The following PTPRD variants were observed in gnomAD, a reference collection of about 807,000 sequenced individuals.
PTPRD encodes the protein receptor-type tyrosine-protein phosphatase delta.
Under a neutral mutation model 214.5 loss-of-function variants are expected in PTPRD, and 34 were observed. The ratio of observed to expected loss-of-function variants is 0.16; its 90% CI spans 0.12 to 0.21. PTPRD has a LOEUF of 0.21. PTPRD is among the 10% of genes least tolerant of loss of function. The pLI is 1.00. For missense variants in PTPRD, 2,545 were observed against 2,398.7 expected (o/e 1.06, Z -1.27); for synonymous variants, 1,128 against 845.7 (o/e 1.33, Z -5.79).
chr9:8,839,356 C>T (rs916122077), intron 11 of PTPRD, among the ~76,000 whole-genome samples: 4 of 151,640 alleles, frequency 2.6e-5, no homozygotes, highest in African/African-American at 9.7e-5. Context: ...GATGGAGTCT[C>T]GCTCTGTCAC....
At chr9:8,403,885 T>C (rs887228155) in intron 36 of PTPRD, among the ~76,000 whole-genome samples, 1 of 152,202 alleles carries the variant, frequency 6.6e-6, no homozygotes, top group Non-Finnish European at 1.5e-5. Flanking sequence ...ATTTAGTTTA[T>C]GGGCCTCTTC....
intron 2 of PTPRD, among the ~76,000 whole-genome samples, chr9:10,406,498 G>A (rs895564035): frequency 1.3e-5 from 2 of 151,450 alleles, no homozygotes; most frequent in Non-Finnish European, 3.0e-5. Flanking sequence ...TCTGACTTTG[G>A]AAATTAGAAA....
At chr9:9,595,642 C>T (rs753397782) in intron 7 of PTPRD, among the ~76,000 whole-genome samples, 23 of 151,628 alleles carry the variant, frequency 1.5e-4, no homozygotes, top group South Asian at 2.1e-4. Context: ...TGGCCTTTGC[C>T]GCAACCTCAA....
At chr9:9,393,920 C>T (rs2141023972) in intron 9 of PTPRD, among the ~76,000 whole-genome samples, 1 of 152,198 alleles carries the variant, frequency 6.6e-6, no homozygotes, top group South Asian at 2.1e-4. Context: ...GCACCCATGC[C>T]AACACGAACT....
chr9:8,836,256 T>G (rs2097419486), intron 11 of PTPRD, among the ~76,000 whole-genome samples: 1 of 152,130 alleles, frequency 6.6e-6, no homozygotes, highest in Non-Finnish European at 1.5e-5. Flanking sequence ...ATGTAAAATT[T>G]GAGTGTTTTG....
In PTPRD at chr9:9,784,141, T is replaced by C. The variant is rs571038259; in HGVS notation, c.-367-17290A>G. On this transcript the variant is annotated intron_variant, in intron 5 of 45. Transcript: ENST00000381196. ...TAAGCAAAGCCATATTTGCTGTTAA[T>C]GTTTATAAAAGTATTTTTTAAATTA... 7.2e-5 allele frequency among the ~76,000 whole-genome samples: 11 copies of C among 152,254 alleles called. No homozygotes were observed. The East Asian group carries it at 2.1e-3, about 29-fold the overall frequency.
At chr9:8,568,829 G>T (rs2090221872) in intron 14 of PTPRD, among the ~76,000 whole-genome samples, 1 of 151,754 alleles carries the variant, frequency 6.6e-6, no homozygotes, top group Non-Finnish European at 1.5e-5. Flanking sequence ...GTCTATAAGT[G>T]TTGGTCTTCT....
chr9:9,019,725 G>A (rs1714103472), intron 10 of PTPRD, among the ~76,000 whole-genome samples: 1 of 151,942 alleles, frequency 6.6e-6, no homozygotes, highest in South Asian at 2.1e-4. Context: ...ACAACAACAT[G>A]GAAGTTTATT....
At chr9:9,963,878 T>C (rs991379158) in intron 4 of PTPRD, among the ~76,000 whole-genome samples, 5 of 152,140 alleles carry the variant, frequency 3.3e-5, no homozygotes, top group Admixed American at 6.5e-5. Context: ...TTCACAAACG[T>C]TTTAAGTCCA....
intron 11 of PTPRD, among the ~76,000 whole-genome samples, chr9:8,952,744 G>T (rs1232109715): frequency 6.6e-6 from 1 of 151,826 alleles, no homozygotes; most frequent in Non-Finnish European, 1.5e-5. Context: ...TTTCATGAAA[G>T]ATTGAATTCT....
chr9:9,278,366 G>C (rs1217024310), intron 9 of PTPRD, among the ~76,000 whole-genome samples: 1 of 151,154 alleles, frequency 6.6e-6, no homozygotes, highest in African/African-American at 2.4e-5. Context: ...TATACAGTGG[G>C]AAATTCACTA....
intron 14 of PTPRD, among the ~76,000 whole-genome samples, chr9:8,580,181 G>A (rs1192275917): frequency 1.3e-5 from 2 of 152,148 alleles, no homozygotes; most frequent in East Asian, 3.9e-4. Context: ...CAGTAGACAT[G>A]TGAAAAAAGA....
In PTPRD at chr9:9,936,165, T is replaced by C. The variant is rs1387027450; in HGVS notation, c.-368+2342A>G. On this transcript the variant is annotated intron_variant, in intron 5 of 45. Coordinates refer to ENST00000381196, the MANE Select transcript of PTPRD (RefSeq NM_002839.4). ...GGCATTACCATTCAGGACATAGGCA[T>C]GGGCAAGGACTTCATGTCTAAAACA... Among the ~76,000 whole-genome samples, 18 of 148,232 alleles carry C rather than the reference T, an allele frequency of 1.2e-4. No individual in the cohort carries two copies. The East Asian group carries it at 3.6e-3, about 30-fold the overall frequency.
chr9:10,601,800 G>C (rs973077297), intron 2 of PTPRD, among the ~76,000 whole-genome samples: 1 of 151,672 alleles, frequency 6.6e-6, no homozygotes, highest in Non-Finnish European at 1.5e-5. Flanking sequence ...TTCCATGAAG[G>C]TCTCCAGTGG....
chr9:9,935,632 G>A (rs1413104178), intron 5 of PTPRD, among the ~76,000 whole-genome samples: 6 of 149,014 alleles, frequency 4.0e-5, no homozygotes, highest in East Asian at 1.9e-4. Flanking sequence ...AATCAATATC[G>A]TGAAAATGGC....
chr9:8,961,552 A>C (rs76184457), intron 11 of PTPRD, among the ~76,000 whole-genome samples: 3,708 of 152,202 alleles, frequency 0.024, 65 homozygotes, highest in Admixed American at 0.033. Flanking sequence ...TCCACCAGGC[A>C]CATGTTTTAC....
At chr9:8,936,965 CTT>C (rs1419178856) in intron 11 of PTPRD, among the ~76,000 whole-genome samples, 1 of 152,000 alleles carries the variant, frequency 6.6e-6, no homozygotes, top group African/African-American at 2.4e-5. Context: ...AAGAGGAGCA[CTT>C]TTTTGGTTTA....
At chr9:10,285,562 T>C (rs7875861) in intron 3 of PTPRD, among the ~76,000 whole-genome samples, 10,014 of 151,470 alleles carry the variant, frequency 0.066, 421 homozygotes, top group South Asian at 0.16. Context: ...CACTAACCAG[T>C]TACATGACAC....
chr9:10,211,184 T>C (rs937359235), intron 3 of PTPRD, among the ~76,000 whole-genome samples: 1 of 152,120 alleles, frequency 6.6e-6, no homozygotes, highest in African/African-American at 2.4e-5. Context: ...AGTTTTATTG[T>C]AATGCCATCT....
Sources: allele counts gnomAD v4.1 joint callset (sites outside exome capture counted in the v4.1 genomes callset), GRCh38; gene constraint gnomAD v4.1.1; transcripts MANE v1.5; gene names NCBI Gene and HGNC (gene_info 2026-07-23, HGNC 2026-07-21).